Variants in SLC6A2 observed in about 807,000 individuals in gnomAD.
SLC6A2 encodes solute carrier family 6 member 2.
A neutral mutation model predicts 71.7 loss-of-function variants in SLC6A2; 26 were observed. The observed-to-expected ratio is 0.36, with a 90% CI of 0.27 to 0.50. The LOEUF is 0.50. Among genes scored for constraint, SLC6A2 ranks in the 20% least tolerant of loss-of-function variants. SLC6A2 has a pLI of 0.96. For missense variants in SLC6A2, 581 were observed against 803.9 expected, an observed-to-expected ratio of 0.72 and a Z score of 3.35; for synonymous variants, 363 against 337.9, an observed-to-expected ratio of 1.07 and a Z score of -0.82.
rs1426104300 is a variant in SLC6A2, at chr16:55,695,314, C to G, written c.1059C>G (p.Thr353=). The part of the protein sequence containing the change: ...ALLTSSINCI[T]SFVSGFAIFS... ...TGACCAGCAGCATCAACTGTATCAC[C>G]AGCTTCGTCTCTGGGTTCGCCATCT... The change falls in exon 8 of 15, where the codon ACC becomes ACG. Residue 353 remains threonine, a synonymous_variant. Transcript: ENST00000568943. 9 of 1,614,106 alleles carry G rather than the reference C, an allele frequency of 5.6e-6. No homozygotes were observed. Among genetic ancestry groups the G allele is most frequent in the Non-Finnish European group, 6.8e-6 (8 of 1,180,040 alleles).
intron 4 of SLC6A2, among the ~76,000 whole-genome samples, chr16:55,678,005 CT>C (rs1457446328): frequency 1.3e-5 from 2 of 152,144 alleles, no homozygotes; most frequent in Admixed American, 1.3e-4. Context: ...GATCTTCCCT[CT>C]TTTTTTCCTC....
Position 55,700,252 on chromosome 16 carries a change from G to C in SLC6A2, c.1704G>C (p.Leu568=). The C allele has an allele frequency of 1.9e-6, 3 of 1,614,098 alleles. No homozygotes were observed. Among genetic ancestry groups the C allele is most frequent in the Non-Finnish European group, 2.5e-6 (3 of 1,180,006 alleles). The change falls in exon 13 of 15, where the codon CTG becomes CTC. Residue 568 remains leucine, a synonymous_variant. Transcript: ENST00000568943. ...GCATCGCCCTGTCCTCCATGGTCCTGGTGCCCATCTACGTCATCTATAAGT... is the reference window on the plus strand; with the variant it reads ...GCATCGCCCTGTCCTCCATGGTCCTCGTGCCCATCTACGTCATCTATAAGT... ...GWGIALSSMV[L]VPIYVIYKFL... is the part of the protein sequence containing the mutation.
In SLC6A2 at chr16:55,667,751, TC is replaced by T. The variant is rs565248318; in HGVS notation, c.275-1809del. Among the ~76,000 whole-genome samples the T allele has an allele frequency of 1.9e-4, 29 of 152,070 alleles. No homozygotes were observed. The South Asian group carries it at 6.0e-3, about 32-fold the overall frequency. ...ACCACATGGCTTAGCTGGTCCCAGA[TC>T]CCCCATTTCAGAACAACCTACCCTC... On this transcript the variant is annotated intron_variant, in intron 2 of 14. Coordinates refer to ENST00000568943, the MANE Select transcript of SLC6A2 (RefSeq NM_001172501.3).
At chr16:55,701,334 C>T (rs558030332) in intron 13 of SLC6A2, among the ~76,000 whole-genome samples, 2 of 152,286 alleles carry the variant, frequency 1.3e-5, no homozygotes, top group East Asian at 3.9e-4. Context: ...GACATGGGAA[C>T]TGGGACCTGA....
intron 12 of SLC6A2, 90 bp downstream of exon 12, chr16:55,699,744 G>A (rs1965911745): frequency 2.1e-6 from 2 of 930,736 alleles, no homozygotes; most frequent in Admixed American, 1.9e-5. Context: ...CTTAGGGGAG[G>A]AGGCTCTGGG....
In SLC6A2 at chr16:55,656,247, C is replaced by G. The variant is rs1013171134; in HGVS notation, c.-52+78C>G. ...CCGAGACGCGCCAGCAGAGGGCTAGCGAGTTTGTAGTGCAGTGACGTTAAG... is the reference window on the plus strand; with the variant it reads ...CCGAGACGCGCCAGCAGAGGGCTAGGGAGTTTGTAGTGCAGTGACGTTAAG... On this transcript the variant is annotated intron_variant, in intron 1 of 14. Coordinates refer to ENST00000568943, the MANE Select transcript of SLC6A2 (RefSeq NM_001172501.3). This position sits in a 1 kb window ranked among gnomAD's most constrained non-coding sequence, Gnocchi z 4.5. The G allele has an allele frequency of 4.3e-5, 10 of 232,334 alleles. No individual in the cohort carries two copies. Among genetic ancestry groups the G allele is most frequent in the African/African-American group, 1.8e-4 (8 of 43,412 alleles). 14.4% of individuals were successfully genotyped at this position (232,334 alleles called of 1,614,324 possible). A position where few individuals can be genotyped will look rare whatever the true frequency, so the allele number is the denominator to read the frequency against.
At chr16:55,696,412 G>T in intron 9 of SLC6A2, 75 bp downstream of exon 9, 1 of 882,728 alleles carries the variant, frequency 1.1e-6, no homozygotes. Flanking sequence ...ACAGTGCTGG[G>T]CCTGAAGTTC....
intron 3 of SLC6A2, 24 bp from the exon 4 acceptor site, chr16:55,671,914 A>T: frequency 6.2e-7 from 1 of 1,613,704 alleles, no homozygotes; most frequent in Non-Finnish European, 8.5e-7. Context: ...GGAGACTCCT[A>T]CCTTACCCCC....
intron 4 of SLC6A2, among the ~76,000 whole-genome samples, chr16:55,683,741 C>G (rs141676298): frequency 6.6e-6 from 1 of 152,086 alleles, no homozygotes. Flanking sequence ...AAATGTTACC[C>G]GTTGAACGCA....
intron 2 of SLC6A2, among the ~76,000 whole-genome samples, chr16:55,667,669 CAG>C (rs542979431): frequency 2.0e-5 from 3 of 152,330 alleles, no homozygotes; most frequent in Admixed American, 2.0e-4. Context: ...ATGGCCACTC[CAG>C]AGACTTCCAG....
Position 55,656,890 on chromosome 16 carries a change from C to T in SLC6A2, c.196C>T (p.Leu66=). 2 of 1,614,064 alleles carry T rather than the reference C, an allele frequency of 1.2e-6. No homozygotes were observed. Among genetic ancestry groups the T allele is most frequent in the Non-Finnish European group, 8.5e-7 (1 of 1,179,948 alleles). Residue 66 remains leucine (L), a synonymous_variant, in exon 2 of 15, where the codon CTG becomes TTG. Coordinates refer to ENST00000568943, the MANE Select transcript of SLC6A2 (RefSeq NM_001172501.3). The surrounding 1 kb of genome is among the most constrained non-coding windows in gnomAD (Gnocchi z 4.5). ...GACCTGGGGCAAGAAGATCGACTTCCTGCTGTCCGTAGTCGGCTTCGCAGT... is the reference window on the plus strand; with the variant it reads ...GACCTGGGGCAAGAAGATCGACTTCTTGCTGTCCGTAGTCGGCTTCGCAGT... ...RETWGKKIDF[L]LSVVGFAVDL...
chr16:55,680,728 C>T (rs1380857333), intron 4 of SLC6A2, among the ~76,000 whole-genome samples: 4 of 152,174 alleles, frequency 2.6e-5, no homozygotes, highest in African/African-American at 7.2e-5. Context: ...TTAACCATCA[C>T]AGACAGAATG....
intron 3 of SLC6A2, 98 bp from the exon 4 acceptor site, chr16:55,671,840 A>G: frequency 1.3e-6 from 2 of 1,578,894 alleles, no homozygotes; most frequent in Non-Finnish European, 1.7e-6. Context: ...AACGAGAGAC[A>G]GAGGGAATGG....
At chr16:55,674,103 G>C (rs1965007754) in intron 4 of SLC6A2, among the ~76,000 whole-genome samples, 1 of 152,098 alleles carries the variant, frequency 6.6e-6, no homozygotes, top group African/African-American at 2.4e-5. Flanking sequence ...TGATGCTGAG[G>C]TTTGGGGTGT....
At chr16:55,689,445 A>G (rs1469637811) in intron 5 of SLC6A2, among the ~76,000 whole-genome samples, 1 of 152,224 alleles carries the variant, frequency 6.6e-6, no homozygotes, top group African/African-American at 2.4e-5. Context: ...GCCAACAAAC[A>G]TGGCCAATGC....
rs1966087252 is a variant in SLC6A2 at position 55,705,763 on chromosome 16, T to C, written c.*3417T>C. On this transcript the variant is annotated 3_prime_UTR_variant, in exon 15 of 15. Transcript: ENST00000568943. ...GAACTGATGACCAGTGATCTCTCTA[T>C]CAGAGAAATGTCAGATTTCTAGCCT... 1 of 152,564 alleles carries C rather than the reference T, an allele frequency of 6.6e-6. No individual in the cohort carries two copies. The highest frequency in any genetic ancestry group is 2.1e-4 in the South Asian group (1 of 4,828). 9.5% of individuals were successfully genotyped at this position (152,564 alleles called of 1,614,324 possible).
rs750373758 is a variant in SLC6A2, at chr16:55,696,368, C to T, written c.1260+31C>T. The T allele has an allele frequency of 3.1e-5, 41 of 1,322,342 alleles. No homozygotes were observed. The South Asian group carries it at 4.6e-4, about 15-fold the overall frequency. 81.9% of individuals were successfully genotyped at this position (1,322,342 alleles called of 1,614,324 possible). Reference sequence around the variant, plus strand: ...TGACCCTGCTTAGGATACCTATCCCCCATCCCACTGGGCCTGACCCCCTTC... The same window carrying T: ...TGACCCTGCTTAGGATACCTATCCCTCATCCCACTGGGCCTGACCCCCTTC... On this transcript the variant is annotated intron_variant, in intron 9 of 14. Coordinates refer to ENST00000568943, the MANE Select transcript of SLC6A2 (RefSeq NM_001172501.3).
intron 2 of SLC6A2, among the ~76,000 whole-genome samples, chr16:55,663,810 A>T (rs1168570825): frequency 6.6e-6 from 1 of 152,106 alleles, no homozygotes; most frequent in Non-Finnish European, 1.5e-5. Flanking sequence ...TCTCCAAGGT[A>T]GGATTTTTCC....
Position 55,691,980 on chromosome 16 carries a change from C to A in SLC6A2, c.846C>A (p.Val282=). The change falls in exon 6 of 15, where the codon GTC becomes GTA. Residue 282 remains valine (V), a synonymous_variant. Transcript: ENST00000568943. The part of the protein sequence containing the change: ...FVLFVLLVHG[V]TLPGASNGIN... ...TGTTCGTGCTCCTGGTCCATGGCGT[C>A]ACGCTGCCCGGAGCCTCCAATGGCA... 6.2e-7 allele frequency: 1 copy of A among 1,614,192 alleles called. No homozygotes were observed. The highest frequency in any genetic ancestry group is 8.5e-7 in the Non-Finnish European group (1 of 1,180,030).
Sources: gnomAD v4.1 joint callset for allele counts (sites outside exome capture counted in the v4.1 genomes callset) on GRCh38, gnomAD v4.1.1 for gene constraint, Gnocchi (gnomAD v3.1) non-coding constraint, MANE v1.5 for transcripts, NCBI Gene and HGNC (gene_info 2026-07-23, HGNC 2026-07-21) for gene names.